The following PLA2G4A variants were observed in gnomAD, a reference collection of about 807,000 sequenced individuals.
The protein encoded by PLA2G4A is cytosolic phospholipase A2.
A neutral mutation model predicts 81.9 loss-of-function variants in PLA2G4A; 40 were observed. The observed-to-expected ratio is 0.49, with a 90% CI of 0.38 to 0.64. The LOEUF is 0.64. Ranked by LOEUF, PLA2G4A falls within the 30% of genes least tolerant of loss-of-function variation. The pLI is 0.00. For synonymous variants in PLA2G4A, 302 were observed against 296.9 expected (o/e 1.02, Z -0.18); for missense variants, 715 against 905.1 (o/e 0.79, Z 2.69).
intron 7 of PLA2G4A, among the ~76,000 whole-genome samples, chr1:186,922,261 C>A (rs1014297876): frequency 3.8e-4 from 58 of 152,182 alleles, no homozygotes; most frequent in African/African-American, 1.4e-3. Flanking sequence ...ATCAAGAAAT[C>A]CAAGTCAGGT....
chr1:186,884,787 A>AGT (rs1653872137), intron 3 of PLA2G4A, among the ~76,000 whole-genome samples: 1 of 151,804 alleles, frequency 6.6e-6, no homozygotes, highest in South Asian at 2.1e-4. Context: ...AGGGGGCTAA[A>AGT]GTGTGAGGAT....
intron 17 of PLA2G4A, among the ~76,000 whole-genome samples, chr1:186,987,383 T>C (rs1188403796): frequency 6.6e-6 from 1 of 152,240 alleles, no homozygotes; most frequent in Non-Finnish European, 1.5e-5. Context: ...GAAAAGCCCG[T>C]GGACTGTACC....
intron 7 of PLA2G4A, among the ~76,000 whole-genome samples, chr1:186,915,541 G>C (rs894438816): frequency 6.6e-6 from 1 of 152,138 alleles, no homozygotes; most frequent in Non-Finnish European, 1.5e-5. Flanking sequence ...GGAAAGCATA[G>C]ACAGGGAAGC....
At chr1:186,976,934 T>C (rs2102294675) in intron 15 of PLA2G4A, among the ~76,000 whole-genome samples, 1 of 152,278 alleles carries the variant, frequency 6.6e-6, no homozygotes, top group South Asian at 2.1e-4. Flanking sequence ...CGGGAATGTA[T>C]AACCAGCTTA....
intron 5 of PLA2G4A, among the ~76,000 whole-genome samples, chr1:186,897,938 A>G (rs1654397542): frequency 6.6e-6 from 1 of 152,142 alleles, no homozygotes; most frequent in Non-Finnish European, 1.5e-5. Flanking sequence ...TCCAATAGGT[A>G]GTTTTTCAAC....
chr1:186,904,944 T>TGTGA (rs1654681968), intron 5 of PLA2G4A, among the ~76,000 whole-genome samples: 1 of 152,160 alleles, frequency 6.6e-6, no homozygotes, highest in African/African-American at 2.4e-5. Flanking sequence ...AACCTCCGCC[T>TGTGA]GCTGGGTTCA....
intron 1 of PLA2G4A, among the ~76,000 whole-genome samples, chr1:186,843,440 C>T (rs1571326405): frequency 6.6e-6 from 1 of 152,244 alleles, no homozygotes. Context: ...CTTATTCATC[C>T]TTCAGTCAAT....
rs1557883330 is a variant in PLA2G4A, at chr1:186,939,064, T to C, written c.752T>C (p.Ile251Thr). 1.9e-6 allele frequency: 3 copies of C among 1,611,628 alleles called. No homozygotes were observed. The highest frequency in any genetic ancestry group is 2.5e-6 in the Non-Finnish European group (3 of 1,177,894). ...TTTCCAGAGAAAGGGCCAGAGGAGA[T>C]TAATGAAGAACTAATGAAAAATGTT... ...PDFPEKGPEEINEELMKNVSH... is the reference protein window; with the variant it reads ...PDFPEKGPEETNEELMKNVSH... The change falls in exon 9 of 18, where the codon ATT becomes ACT. Residue 251 changes from isoleucine (I) to threonine (T), a missense_variant. Ile to Thr is a moderately conservative substitution (Grantham distance 89, BLOSUM62 -1). Transcript: ENST00000367466.
intron 17 of PLA2G4A, 66 bp downstream of exon 17, chr1:186,979,538 C>T: frequency 1.0e-6 from 1 of 991,300 alleles, no homozygotes; most frequent in Non-Finnish European, 1.6e-6. Flanking sequence ...ACACCAATAC[C>T]TCTTTTCAAT....
rs1258336768 is a variant in PLA2G4A at position 186,927,884 on chromosome 1, C to T, written c.559-4879C>T. 2.6e-5 allele frequency among the ~76,000 whole-genome samples: 4 copies of T among 152,262 alleles called. No homozygotes were observed. In the East Asian group the frequency reaches 7.7e-4, roughly 29 times the overall value. On this transcript the variant is annotated intron_variant, in intron 7 of 17. Coordinates refer to ENST00000367466, the MANE Select transcript of PLA2G4A (RefSeq NM_024420.3). ...CCTATGTTTCTGTTGTTTCCTTCAT[C>T]GAGAATATTTCCTCGCCTCTTTCCA...
chr1:186,928,820 A>T (rs887626508), intron 7 of PLA2G4A, among the ~76,000 whole-genome samples: 1 of 152,042 alleles, frequency 6.6e-6, no homozygotes, highest in Non-Finnish European at 1.5e-5. Context: ...GTAAATGAAA[A>T]CTCATTTCCT....
At chr1:186,882,111 T>G (rs1462792402) in intron 3 of PLA2G4A, among the ~76,000 whole-genome samples, 1 of 152,134 alleles carries the variant, frequency 6.6e-6, no homozygotes, top group Admixed American at 6.6e-5. Context: ...GAGTCTCAAT[T>G]TCTTCACCTC....
chr1:186,972,072 T>A (rs1240583550), intron 15 of PLA2G4A, among the ~76,000 whole-genome samples: 1 of 152,060 alleles, frequency 6.6e-6, no homozygotes, highest in African/African-American at 2.4e-5. Flanking sequence ...AAGATGGAGA[T>A]CATGTCTTTT....
intron 7 of PLA2G4A, among the ~76,000 whole-genome samples, chr1:186,916,566 C>G (rs1655145813): frequency 6.6e-6 from 1 of 152,138 alleles, no homozygotes. Flanking sequence ...ACCCCTTTTT[C>G]TTCTGTTCTG....
Position 186,831,558 on chromosome 1 carries a change from G to C in PLA2G4A, c.-70+2523G>C, listed in dbSNP as rs547183574. ...GTTATTTTTTATTGGATTGTGGGGT[G>C]TCTATATTTACTACTTTTATTCCAA... is the stretch of plus-strand genomic sequence containing the variant. On this transcript the variant is annotated intron_variant, in intron 1 of 17. Transcript: ENST00000367466. Among the ~76,000 whole-genome samples, 4 of 152,204 alleles carry C rather than the reference G, an allele frequency of 2.6e-5. No homozygotes were observed. The South Asian group carries it at 8.3e-4, about 32-fold the overall frequency.
chr1:186,939,492 G>GAA (rs10599543), intron 9 of PLA2G4A, among the ~76,000 whole-genome samples: 1,903 of 143,110 alleles, frequency 0.013, 24 homozygotes, highest in Admixed American at 0.015. Context: ...CTTTTCTCTG[G>GAA]AAAAAAAAAA....
At chr1:186,892,817 T>C (rs1426856790) in intron 3 of PLA2G4A, among the ~76,000 whole-genome samples, 194 bp from the exon 4 acceptor site, 1 of 152,222 alleles carries the variant, frequency 6.6e-6, no homozygotes, top group African/African-American at 2.4e-5. Flanking sequence ...AGGACTATTA[T>C]GAAGGACAGC....
intron 2 of PLA2G4A, among the ~76,000 whole-genome samples, chr1:186,868,071 CTTTTTTTT>C (rs59978011): frequency 0.2 from 22,400 of 112,974 alleles, 1,973 homozygotes; most frequent in South Asian, 0.28. Context: ...GTGTATAATT[CTTTTTTTT>C]TTTTTTTTTT....
chr1:186,834,212 GA>G (rs1006219216), intron 1 of PLA2G4A, among the ~76,000 whole-genome samples: 4 of 149,788 alleles, frequency 2.7e-5, no homozygotes, highest in South Asian at 2.1e-4. Context: ...TATCTAGTTT[GA>G]AAAAAAAATC....
Sources: gnomAD v4.1 joint callset for allele counts (sites outside exome capture counted in the v4.1 genomes callset) on GRCh38, gnomAD v4.1.1 for gene constraint, MANE v1.5 for transcripts, NCBI Gene and HGNC (gene_info 2026-07-23, HGNC 2026-07-21) for gene names.